Variants in GBP7 observed in about 807,000 individuals in gnomAD.
The protein encoded by GBP7 is guanylate binding protein 7, also known as guanylate-binding protein 7.
In GBP7, 43 loss-of-function variants were observed where a neutral mutation model predicts 61.3. That is an observed-to-expected ratio of 0.70 (90% confidence interval 0.55 to 0.91). The LOEUF is 0.91. Ranked by LOEUF, GBP7 falls within the 40% of genes least tolerant of loss-of-function variation. The pLI is 0.00. For missense variants in GBP7, 717 were observed against 740.5 expected (o/e 0.97, Z 0.37); for synonymous variants, 267 against 271.0 (o/e 0.99, Z 0.14).
intron 3 of GBP7, among the ~76,000 whole-genome samples, chr1:89,153,399 A>C (rs1239123863): frequency 6.6e-6 from 1 of 152,206 alleles, no homozygotes; most frequent in Non-Finnish European, 1.5e-5. Context: ...CTTTCTTTAG[A>C]TATTAAAAGT....
intron 2 of GBP7, among the ~76,000 whole-genome samples, chr1:89,167,168 A>T (rs560222699): frequency 6.6e-6 from 1 of 152,138 alleles, no homozygotes; most frequent in South Asian, 2.1e-4. Flanking sequence ...TCTTGGAATG[A>T]TCATCAGCCC....
chr1:89,134,166 C>G (rs1681741592), intron 9 of GBP7, among the ~76,000 whole-genome samples: 1 of 152,214 alleles, frequency 6.6e-6, no homozygotes, highest in Non-Finnish European at 1.5e-5. Flanking sequence ...CTGACATACC[C>G]TACCTAACCA....
intron 10 of GBP7, among the ~76,000 whole-genome samples, chr1:89,132,742 G>A (rs910571570): frequency 6.6e-6 from 1 of 152,116 alleles, no homozygotes; most frequent in Non-Finnish European, 1.5e-5. Context: ...AAATAATGGG[G>A]ACTGCTGACC....
intron 2 of GBP7, among the ~76,000 whole-genome samples, chr1:89,167,320 C>T (rs140958647): frequency 6.6e-6 from 1 of 152,278 alleles, no homozygotes; most frequent in Admixed American, 6.5e-5. Flanking sequence ...GATAAGGTCA[C>T]CTCAATAAAA....
chr1:89,159,920 A>G (rs1479054584), intron 3 of GBP7, among the ~76,000 whole-genome samples: 1 of 152,216 alleles, frequency 6.6e-6, no homozygotes, highest in Non-Finnish European at 1.5e-5. Context: ...ACGTATGTTT[A>G]TTTTGGCACT....
At chr1:89,155,592 G>A (rs1682300310) in intron 3 of GBP7, among the ~76,000 whole-genome samples, 1 of 152,156 alleles carries the variant, frequency 6.6e-6, no homozygotes, top group Admixed American at 6.5e-5. Context: ...TGATCAAGTG[G>A]AAGAAAGGGT....
At position 89,132,190 on chromosome 1, in the gene GBP7, A is replaced by G; in HGVS notation, c.1876T>C (p.Cys626Arg). 1 of 1,612,492 alleles carries G rather than the reference A, an allele frequency of 6.2e-7. No homozygotes were observed. The highest frequency in any genetic ancestry group is 1.1e-5 in the South Asian group (1 of 90,910). ...DLGMKILSSL[C>R]NRLRNPGKKI... is the part of the protein sequence containing the mutation. ...TTACCAGGATTTCTCAGCCTATTACATAATGAGCTAAGAATTTTCATTCCT... is the reference window on the plus strand; with the variant it reads ...TTACCAGGATTTCTCAGCCTATTACGTAATGAGCTAAGAATTTTCATTCCT... The change falls in exon 11 of 11, where the codon TGT (cysteine) becomes CGT (arginine). Residue 626 changes from cysteine (C) to arginine (R), a missense_variant. Coordinates refer to ENST00000294671, the MANE Select transcript of GBP7 (RefSeq NM_207398.3).
intron 4 of GBP7, 21 bp from the exon 5 acceptor site, chr1:89,152,485 G>A: frequency 6.2e-7 from 1 of 1,608,532 alleles, no homozygotes; most frequent in Non-Finnish European, 8.5e-7. Context: ...AGCTAAGGAA[G>A]GATAGCACCC....
chr1:89,169,464 G>T (rs923066299), intron 2 of GBP7, among the ~76,000 whole-genome samples: 2 of 152,158 alleles, frequency 1.3e-5, no homozygotes, highest in Non-Finnish European at 2.9e-5. Context: ...ACGACTAGAG[G>T]AGAAAATTTA....
At chr1:89,143,824 G>A (rs1446323431) in intron 8 of GBP7, among the ~76,000 whole-genome samples, 3 of 152,110 alleles carry the variant, frequency 2.0e-5, no homozygotes, top group Non-Finnish European at 4.4e-5. Context: ...CACCTCCCAC[G>A]AGGCCCCACC....
At chr1:89,153,262 G>C (rs958480869) in intron 3 of GBP7, among the ~76,000 whole-genome samples, 17 of 152,084 alleles carry the variant, frequency 1.1e-4, no homozygotes, top group African/African-American at 4.1e-4. Context: ...CATTCATTTG[G>C]TTGTTCATTC....
intron 3 of GBP7, among the ~76,000 whole-genome samples, chr1:89,155,773 A>G (rs1557460966): frequency 6.6e-6 from 1 of 152,236 alleles, no homozygotes; most frequent in African/African-American, 2.4e-5. Context: ...ACCAAGTTGG[A>G]AAACACTCTT....
In GBP7 at chr1:89,133,442, G is replaced by A; in HGVS notation, c.1478C>T (p.Ala493Val). The A allele has an allele frequency of 9.9e-6, 16 of 1,613,710 alleles. No individual in the cohort carries two copies. The highest frequency in any genetic ancestry group is 1.3e-5 in the Non-Finnish European group (15 of 1,179,874). The change falls in exon 10 of 11, where the codon GCT (alanine) becomes GTT (valine). Residue 493 changes from alanine to valine, a missense_variant. Ala to Val is a moderately conservative substitution (Grantham distance 64). Transcript: ENST00000294671. ...TTCCTTTTCAGCTGCCTCCTTCTTA[G>A]CCTGCTTAGCTGTTCCACCGAGGTT... is the stretch of plus-strand genomic sequence containing the variant. ...AGEKAIAAKQ[A>V]KKEAAEKEQE...
At chr1:89,142,935 T>G (rs114388810) in intron 8 of GBP7, among the ~76,000 whole-genome samples, 1,720 of 152,354 alleles carry the variant, frequency 0.011, 28 homozygotes, top group African/African-American at 0.039. Context: ...ATACACTAGT[T>G]TACTTGTTCT....
At chr1:89,133,555 G>A (rs1681727057) in intron 9 of GBP7, 104 bp from the exon 10 acceptor site, 3 of 871,596 alleles carry the variant, frequency 3.4e-6, no homozygotes, top group Non-Finnish European at 5.5e-6. Flanking sequence ...CCCACTGAGA[G>A]ACCAGACCGT....
intron 3 of GBP7, among the ~76,000 whole-genome samples, chr1:89,155,695 T>G (rs1682302531): frequency 1.3e-5 from 2 of 152,184 alleles, no homozygotes; most frequent in Admixed American, 6.5e-5. Context: ...CTCCAAGAAA[T>G]ATGGGACCAT....
rs144454178 is a variant in GBP7, at chr1:89,156,577, C to T, written c.319-3800G>A. Among the ~76,000 whole-genome samples, 1,012 of 152,226 alleles carry T rather than the reference C, an allele frequency of 6.6e-3. 5 individuals carry two copies. The highest frequency in any genetic ancestry group is 0.027 in the South Asian group (128 of 4,820). ...CAATCCTCATCTCTGATAAAACAGA[C>T]TTTAAACAAACAAAGACTGAAAGAG... is the stretch of plus-strand genomic sequence containing the variant. On this transcript the variant is annotated intron_variant, in intron 3 of 10. Coordinates refer to ENST00000294671, the MANE Select transcript of GBP7 (RefSeq NM_207398.3).
rs761643678 is a variant in GBP7 at position 89,133,239 on chromosome 1, A to G, written c.1662+19T>C. 4.1e-5 allele frequency: 66 copies of G among 1,606,476 alleles called. No individual in the cohort carries two copies. The Admixed American group carries it at 1.1e-3, about 26-fold the overall frequency. On this transcript the variant is annotated intron_variant, in intron 10 of 10. Coordinates refer to ENST00000294671, the MANE Select transcript of GBP7 (RefSeq NM_207398.3). ...CTGGCATTGTGCCTCAAGCACTGCC[A>G]AGCTTCATCCAGACTCACCTTCATC...
chr1:89,148,221 A>T (rs1473180809), intron 7 of GBP7, among the ~76,000 whole-genome samples: 1 of 152,202 alleles, frequency 6.6e-6, no homozygotes. Flanking sequence ...ATATGGGAAC[A>T]TTATTATCTT....
Sources: allele counts gnomAD v4.1 joint callset (sites outside exome capture counted in the v4.1 genomes callset), GRCh38; gene constraint gnomAD v4.1.1; transcripts MANE v1.5; gene names NCBI Gene and HGNC (gene_info 2026-07-23, HGNC 2026-07-21).